KCNH1: variants seen among roughly 807,000 people sequenced by gnomAD.
KCNH1 encodes the protein potassium voltage-gated channel subfamily H member 1, also known as voltage-gated delayed rectifier potassium channel KCNH1.
Under a neutral mutation model 69.2 loss-of-function variants are expected in KCNH1, and 27 were observed. The observed-to-expected ratio is 0.39, with a 90% CI of 0.29 to 0.54. The LOEUF (loss-of-function observed/expected upper bound fraction) is 0.54. Among genes scored for constraint, KCNH1 ranks in the 20% least tolerant of loss-of-function variants. The probability of loss-of-function intolerance (pLI) is 0.68; values close to 1 mark genes in which losing one functional copy is unlikely to be tolerated. For missense variants in KCNH1, 798 were observed against 1,261.6 expected (o/e 0.63, Z 5.57); for synonymous variants, 456 against 487.7 (o/e 0.93, Z 0.86).
chr1:210,998,875 A>G (rs1432386671), intron 6 of KCNH1, among the ~76,000 whole-genome samples: 3 of 152,192 alleles, frequency 2.0e-5, no homozygotes, highest in South Asian at 2.1e-4. Context: ...AAACCGCTCA[A>G]ACTACATGGA....
chr1:211,071,031 T>C (rs1357021358), intron 5 of KCNH1, among the ~76,000 whole-genome samples: 1 of 152,210 alleles, frequency 6.6e-6, no homozygotes, highest in African/African-American at 2.4e-5. Context: ...TTAACACATC[T>C]TTTGTATGTT....
At chr1:210,914,496 C>T (rs1411706566) in intron 7 of KCNH1, among the ~76,000 whole-genome samples, 4 of 151,916 alleles carry the variant, frequency 2.6e-5, no homozygotes, top group Non-Finnish European at 5.9e-5. Flanking sequence ...TGAAGTGAGG[C>T]CACAAAAGAT....
At chr1:210,926,150 C>T (rs1357694313) in intron 6 of KCNH1, among the ~76,000 whole-genome samples, 2 of 152,172 alleles carry the variant, frequency 1.3e-5, no homozygotes, top group East Asian at 3.9e-4. Flanking sequence ...ATGCTGGCTA[C>T]TCAGGAGGCT....
At chr1:210,836,639 C>T (rs1685288631) in intron 7 of KCNH1, among the ~76,000 whole-genome samples, 1 of 152,178 alleles carries the variant, frequency 6.6e-6, no homozygotes, top group Non-Finnish European at 1.5e-5. Context: ...CACAGCACTT[C>T]CGCAGTGAAT....
At chr1:210,767,647 T>C (rs557036485) in intron 10 of KCNH1, among the ~76,000 whole-genome samples, 8 of 152,308 alleles carry the variant, frequency 5.3e-5, no homozygotes, top group African/African-American at 1.9e-4. Context: ...GTTAAACATC[T>C]AAGACATCAA....
chr1:211,029,729 G>C (rs1156666600), intron 5 of KCNH1, among the ~76,000 whole-genome samples: 1 of 152,100 alleles, frequency 6.6e-6, no homozygotes, highest in Non-Finnish European at 1.5e-5. Context: ...ATGGCATCCA[G>C]ATCAGAGAGG....
intron 5 of KCNH1, among the ~76,000 whole-genome samples, chr1:211,048,673 T>C (rs1239415175): frequency 1.3e-5 from 2 of 152,064 alleles, no homozygotes; most frequent in Non-Finnish European, 2.9e-5. Context: ...GAATGATACA[T>C]TGGACTTTGG....
intron 6 of KCNH1, among the ~76,000 whole-genome samples, chr1:210,959,991 A>G (rs868841963): frequency 2.0e-5 from 3 of 152,192 alleles, no homozygotes; most frequent in African/African-American, 2.4e-5. Flanking sequence ...TTCTACATCA[A>G]TCATGCTGGG....
intron 6 of KCNH1, among the ~76,000 whole-genome samples, chr1:211,017,619 T>A (rs1400788182): frequency 1.3e-5 from 2 of 152,196 alleles, no homozygotes; most frequent in Admixed American, 1.3e-4. Context: ...TAGATAAGAA[T>A]CTGACATTTT....
intron 7 of KCNH1, among the ~76,000 whole-genome samples, chr1:210,812,437 GC>G (rs1322097196): frequency 6.6e-5 from 10 of 152,110 alleles, no homozygotes; most frequent in Non-Finnish European, 7.4e-5. Context: ...CTGCTTTTAA[GC>G]CAGATAGTGC....
intron 7 of KCNH1, chr1:210,859,045 T>C: frequency 3.3e-6 from 2 of 612,154 alleles, no homozygotes; most frequent in Non-Finnish European, 5.8e-6. Flanking sequence ...TTGTTGTTGT[T>C]GTGATTTTTT....
intron 7 of KCNH1, among the ~76,000 whole-genome samples, chr1:210,841,067 T>TA (rs1330495285): frequency 1.3e-5 from 2 of 152,024 alleles, no homozygotes; most frequent in African/African-American, 4.8e-5. Flanking sequence ...TCCTCATACT[T>TA]AAAAAAACAA....
intron 6 of KCNH1, among the ~76,000 whole-genome samples, chr1:210,936,077 C>T (rs998690171): frequency 6.6e-6 from 1 of 152,328 alleles, no homozygotes; most frequent in Non-Finnish European, 1.5e-5. Context: ...CAATGTGTTG[C>T]TGAAAAGAAC....
chr1:210,859,598 T>TTTCATCATCATATTCAGCTTC, intron 7 of KCNH1: 1 of 1,480,122 alleles, frequency 6.8e-7, no homozygotes, highest in South Asian at 1.1e-5. Context: ...AGTTCCTCGG[T>TTTCATCATCATATTCAGCTTC]TTCATCATCA....
At chr1:210,955,176 T>C (rs1688144449) in intron 6 of KCNH1, among the ~76,000 whole-genome samples, 1 of 152,324 alleles carries the variant, frequency 6.6e-6, no homozygotes, top group East Asian at 1.9e-4. Context: ...CCCCATTTCT[T>C]GTTTTTGTCA....
chr1:210,693,400 G>A (rs1362412141), intron 10 of KCNH1, among the ~76,000 whole-genome samples: 2 of 152,176 alleles, frequency 1.3e-5, no homozygotes, highest in Non-Finnish European at 1.5e-5. Context: ...TTCAGTGCAG[G>A]TGAAGTAGAT....
rs751229719 is a variant in KCNH1, at chr1:211,019,158, C to T, written c.657G>A (p.Thr219=). 15 of 1,613,936 alleles carry T rather than the reference C, an allele frequency of 9.3e-6. No homozygotes were observed. The highest frequency in any genetic ancestry group is 1.1e-5 in the Non-Finnish European group (13 of 1,179,888). The part of the protein sequence containing the change: ...IILHYCVFKT[T]WDWIILILTF... ...TCAAGATCAAGATGATCCAATCCCA[C>T]GTGGTCTTAAAAACACAATAATGTA... Residue 219 remains threonine, a synonymous_variant, in exon 6 of 11, where the codon ACG becomes ACA. Coordinates refer to ENST00000271751, the MANE Select transcript of KCNH1 (RefSeq NM_172362.3).
intron 7 of KCNH1, among the ~76,000 whole-genome samples, chr1:210,916,494 A>G (rs1347780995): frequency 6.6e-6 from 1 of 152,162 alleles, no homozygotes; most frequent in Non-Finnish European, 1.5e-5. Flanking sequence ...TGGCTTGCTG[A>G]AGTTTATGAA....
At chr1:211,016,920 A>AC (rs1689502827) in intron 6 of KCNH1, among the ~76,000 whole-genome samples, 1 of 149,768 alleles carries the variant, frequency 6.7e-6, no homozygotes, top group Non-Finnish European at 1.5e-5. Flanking sequence ...AAAAAAAAAA[A>AC]AATTTTAAAA....
Sources: gnomAD v4.1 joint callset for allele counts (sites outside exome capture counted in the v4.1 genomes callset) on GRCh38, gnomAD v4.1.1 for gene constraint, MANE v1.5 for transcripts, NCBI Gene and HGNC (gene_info 2026-07-23, HGNC 2026-07-21) for gene names.